ALCAM: variants seen among roughly 807,000 people sequenced by gnomAD.
The protein encoded by ALCAM is activated leukocyte cell adhesion molecule.
ALCAM carries 30 observed loss-of-function variants against 70.9 expected under a neutral mutation model. That is an observed-to-expected ratio of 0.42 (90% CI 0.32 to 0.57). The LOEUF is 0.57. Ranked by LOEUF, ALCAM falls within the 20% of genes least tolerant of loss-of-function variation. The pLI is 0.11. For synonymous variants in ALCAM, 249 were observed against 242.5 expected, an observed-to-expected ratio of 1.03 and a Z score of -0.25; for missense variants, 591 against 695.1, an observed-to-expected ratio of 0.85 and a Z score of 1.68.
chr3:105,542,921 T>C (rs1486002591), intron 8 of ALCAM, among the ~76,000 whole-genome samples: 1 of 151,758 alleles, frequency 6.6e-6, no homozygotes, highest in Non-Finnish European at 1.5e-5. Context: ...CATCAGGGGC[T>C]AGTTACAGAG....
At chr3:105,404,404 A>G (rs1452186902) in intron 1 of ALCAM, among the ~76,000 whole-genome samples, 1 of 152,186 alleles carries the variant, frequency 6.6e-6, no homozygotes, top group East Asian at 1.9e-4. Flanking sequence ...AAACCCTACA[A>G]GGTAGAAGGG....
intron 8 of ALCAM, chr3:105,544,899 C>A: frequency 3.7e-6 from 1 of 272,808 alleles, no homozygotes; most frequent in South Asian, 3.8e-5. Context: ...TTATTTTCTT[C>A]CAGAAGTGAC....
intron 1 of ALCAM, among the ~76,000 whole-genome samples, chr3:105,442,417 TAA>T (rs1257704122): frequency 3.3e-5 from 5 of 152,112 alleles, no homozygotes; most frequent in Non-Finnish European, 7.4e-5. Context: ...TTTCTTAGGA[TAA>T]GTGAGAAAAA....
chr3:105,382,127 C>T (rs1316286636), intron 1 of ALCAM, among the ~76,000 whole-genome samples: 1 of 139,050 alleles, frequency 7.2e-6, no homozygotes, highest in East Asian at 2.4e-4. Context: ...GTGTGATCTT[C>T]CCCTTCCTGT....
intron 1 of ALCAM, among the ~76,000 whole-genome samples, chr3:105,392,526 G>T (rs940129229): frequency 5.4e-4 from 81 of 151,128 alleles, no homozygotes; most frequent in African/African-American, 1.9e-3. Flanking sequence ...AAAAAAAATA[G>T]CTCGTAGATT....
chr3:105,541,060 A>T (rs1438293591), intron 7 of ALCAM, among the ~76,000 whole-genome samples: 6 of 151,828 alleles, frequency 4.0e-5, no homozygotes. Context: ...TTTCTTTGTT[A>T]ACTTATATTA....
At chr3:105,560,049 A>G (rs1940599938) in intron 14 of ALCAM, among the ~76,000 whole-genome samples, 1 of 152,146 alleles carries the variant, frequency 6.6e-6, no homozygotes, top group African/African-American at 2.4e-5. Flanking sequence ...TTTTGCAGAC[A>G]TATGTTTCTA....
Position 105,552,603 on chromosome 3 carries a change from G to A in ALCAM, c.1664+18G>A. The A allele has an allele frequency of 6.2e-7, 1 of 1,610,664 alleles. No homozygotes were observed. The highest frequency in any genetic ancestry group is 2.2e-5 in the East Asian group (1 of 44,790). On this transcript the variant is annotated intron_variant, in intron 14 of 15. Coordinates refer to ENST00000306107, the MANE Select transcript of ALCAM (RefSeq NM_001627.4). ...AAGTCAAAGTGAGTTGTGGAAAAAA[G>A]ATCTTCATCGTTCATTGACTTTCAC... is the stretch of plus-strand genomic sequence containing the variant.
At chr3:105,380,223 A>T (rs75872324) in intron 1 of ALCAM, among the ~76,000 whole-genome samples, 4,483 of 151,918 alleles carry the variant, frequency 0.03, 116 homozygotes, top group Non-Finnish European at 0.04. Context: ...TTTCAAGCTA[A>T]ATTGATATTC....
Position 105,523,083 on chromosome 3 carries a change from T to C in ALCAM, c.175-1206T>C, listed in dbSNP as rs558285834. On this transcript the variant is annotated intron_variant, in intron 2 of 15. Coordinates refer to ENST00000306107, the MANE Select transcript of ALCAM (RefSeq NM_001627.4). Reference sequence around the variant, plus strand: ...TGAACCCGGGAGGCGGAGCTTGCAGTGAGCCGAAGTTGTGCCACTGCACTC... The same window carrying C: ...TGAACCCGGGAGGCGGAGCTTGCAGCGAGCCGAAGTTGTGCCACTGCACTC... 4.5e-5 allele frequency among the ~76,000 whole-genome samples: 6 copies of C among 132,036 alleles called. No homozygotes were observed. In the East Asian group the frequency reaches 1.3e-3, roughly 29 times the overall value. The allele number at this position is 132,036 out of a possible 152,430, so 86.6% of individuals were successfully genotyped here.
At chr3:105,390,000 G>T (rs1195787409) in intron 1 of ALCAM, among the ~76,000 whole-genome samples, 1 of 151,838 alleles carries the variant, frequency 6.6e-6, no homozygotes, top group Non-Finnish European at 1.5e-5. Flanking sequence ...TAGGCATTTA[G>T]GTTGATTCCA....
intron 4 of ALCAM, among the ~76,000 whole-genome samples, chr3:105,533,307 A>G (rs1451020251): frequency 3.9e-5 from 6 of 152,176 alleles, no homozygotes; most frequent in Admixed American, 3.9e-4. Context: ...TTAAAAATGA[A>G]TAGTGTCAAA....
At chr3:105,544,927 TAAGGTGA>T in intron 8 of ALCAM, 1 of 284,054 alleles carries the variant, frequency 3.5e-6, no homozygotes, top group Non-Finnish European at 6.9e-6. Flanking sequence ...TTTTTTTTCT[TAAGGTGA>T]TAGGCCCTAG....
chr3:105,476,878 T>C (rs1442135352), intron 1 of ALCAM, among the ~76,000 whole-genome samples: 1 of 152,012 alleles, frequency 6.6e-6, no homozygotes, highest in East Asian at 1.9e-4. Flanking sequence ...AGAATTTCCA[T>C]GTGTTGTGGG....
chr3:105,395,171 T>C (rs1935919494), intron 1 of ALCAM, among the ~76,000 whole-genome samples: 1 of 139,954 alleles, frequency 7.1e-6, no homozygotes, highest in African/African-American at 2.5e-5. Flanking sequence ...ATTTCTGGTA[T>C]TAAAATTTTT....
At chr3:105,375,629 A>C (rs1364615164) in intron 1 of ALCAM, among the ~76,000 whole-genome samples, 1 of 152,324 alleles carries the variant, frequency 6.6e-6, no homozygotes, top group East Asian at 1.9e-4. Context: ...TGGGAGCTAC[A>C]CTTAGCTACG....
chr3:105,547,204 C>G lies in ALCAM; in HGVS notation c.1160C>G (p.Ala387Gly). ...TTTTCTAGTCTTCATTATCAGGATG[C>G]TGGAAACTATGTCTGCGAAACTGCT... Reference protein sequence around the residue: ...PSFSSLHYQDAGNYVCETALQ... With the variant: ...PSFSSLHYQDGGNYVCETALQ... The change falls in exon 10 of 16, where the codon GCT (alanine) becomes GGT (glycine). Residue 387 changes from alanine (A) to glycine (G), a missense_variant. Ala to Gly is a moderately conservative substitution (Grantham distance 60). Around this residue, in one of 2 missense-constraint regions of ALCAM, gnomAD observed 164 missense variants for 244.7 expected, o/e 0.67. Transcript: ENST00000306107. The G allele has an allele frequency of 6.2e-7, 1 of 1,608,028 alleles. No individual in the cohort carries two copies. The highest frequency in any genetic ancestry group is 8.5e-7 in the Non-Finnish European group (1 of 1,176,768).
chr3:105,388,315 T>A (rs1935710896), intron 1 of ALCAM, among the ~76,000 whole-genome samples: 1 of 151,508 alleles, frequency 6.6e-6, no homozygotes, highest in South Asian at 2.1e-4. Context: ...AGAACACTGA[T>A]CCATGATTCT....
At chr3:105,370,722 T>C (rs1935204024) in intron 1 of ALCAM, among the ~76,000 whole-genome samples, 1 of 151,564 alleles carries the variant, frequency 6.6e-6, no homozygotes, top group African/African-American at 2.4e-5. Context: ...TTTCCAGCCT[T>C]AGTAGGGAAA....
Sources: allele counts gnomAD v4.1 joint callset (sites outside exome capture counted in the v4.1 genomes callset), GRCh38; gene constraint gnomAD v4.1.1; regional missense constraint gnomAD v4.1.1; transcripts MANE v1.5; gene names NCBI Gene and HGNC (gene_info 2026-07-23, HGNC 2026-07-21).